PCDHGA3: variants seen among roughly 807,000 people sequenced by gnomAD.
PCDHGA3 encodes the protein protocadherin gamma-A3.
Under a neutral mutation model 58.5 loss-of-function variants are expected in PCDHGA3, and 40 were observed. The observed-to-expected ratio is 0.68, with a 90% CI of 0.53 to 0.89. The LOEUF (loss-of-function observed/expected upper bound fraction) is 0.89. PCDHGA3 is among the 40% of genes least tolerant of loss of function. The probability of loss-of-function intolerance (pLI) is 0.00; values close to 1 mark genes in which losing one functional copy is unlikely to be tolerated. For synonymous variants in PCDHGA3, 530 were observed against 525.7 expected (o/e 1.01, Z -0.11); for missense variants, 1,223 against 1,195.9 (o/e 1.02, Z -0.33).
In PCDHGA3 at chr5:141,505,380, A is replaced by C; in HGVS notation, c.2484-13A>C. On this transcript the variant is annotated splice_polypyrimidine_tract_variant and intron_variant, in intron 2 of 3. Coordinates refer to ENST00000253812, the MANE Select transcript of PCDHGA3 (RefSeq NM_018916.4). ...CCTGGGAGTCTGTGCTCACCATCCT[A>C]CTCTCTCCCCAGCTCCCAAAATGGC... 1 of 1,613,480 alleles carries C rather than the reference A, an allele frequency of 6.2e-7. No homozygotes were observed. Among genetic ancestry groups the C allele is most frequent in the Non-Finnish European group, 8.5e-7 (1 of 1,179,856 alleles).
chr5:141,404,833 C>G (rs754055876), intron 1 of PCDHGA3: 1 of 1,613,844 alleles, frequency 6.2e-7, no homozygotes, highest in Admixed American at 1.7e-5. Flanking sequence ...GTGAAGTGCG[C>G]ACAGCTCGGG....
Position 141,365,034 on chromosome 5 carries a change from C to T in PCDHGA3, c.2424+18577C>T, listed in dbSNP as rs759635927. The T allele has an allele frequency of 8.7e-6, 14 of 1,613,758 alleles. No homozygotes were observed. The African/African-American group carries it at 1.7e-4, about 20-fold the overall frequency. ...CACATCCGTGTTACGGTCCTCGACGCAAACGACAATGCGCCCCTGTTCACC... is the reference window on the plus strand; with the variant it reads ...CACATCCGTGTTACGGTCCTCGACGTAAACGACAATGCGCCCCTGTTCACC... On this transcript the variant is annotated intron_variant, in intron 1 of 3. Coordinates refer to ENST00000253812, the MANE Select transcript of PCDHGA3 (RefSeq NM_018916.4).
chr5:141,426,719 A>G (rs776136674), intron 1 of PCDHGA3: 2 of 446,424 alleles, frequency 4.5e-6, no homozygotes, highest in Non-Finnish European at 9.1e-6. Context: ...ATGAACTAGC[A>G]ATTCCAGGCA....
chr5:141,415,657 G>C, intron 1 of PCDHGA3: 1 of 1,576,238 alleles, frequency 6.3e-7, no homozygotes, highest in Non-Finnish European at 8.6e-7. Context: ...AAAAAAGATT[G>C]GTTTTTACTT....
intron 2 of PCDHGA3, among the ~76,000 whole-genome samples, chr5:141,498,994 AAGGAAGGAAGG>A (rs2099788184): frequency 2.0e-5 from 3 of 148,560 alleles, no homozygotes; most frequent in Non-Finnish European, 4.5e-5. Flanking sequence ...GGAAGGAAGG[AAGGAAGGAAGG>A]AAGGAAGGAA....
Position 141,485,835 on chromosome 5 carries a change from C to T in PCDHGA3, c.2425-8972C>T, listed in dbSNP as rs747722740. On this transcript the variant is annotated intron_variant, in intron 1 of 3. Transcript: ENST00000253812. This position sits in a 1 kb window ranked among gnomAD's most constrained non-coding sequence, Gnocchi z 5.7. ...ACTGCTGTCGATGGAGGGAACCCGC[C>T]GAGATCTGGCACCGCAGAGCTCCGG... 6.2e-7 allele frequency: 1 copy of T among 1,614,190 alleles called. No homozygotes were observed. Among genetic ancestry groups the T allele is most frequent in the Non-Finnish European group, 8.5e-7 (1 of 1,180,048 alleles).
chr5:141,500,084 C>T (rs1354544132), intron 2 of PCDHGA3, among the ~76,000 whole-genome samples: 1 of 152,030 alleles, frequency 6.6e-6, no homozygotes, highest in Non-Finnish European at 1.5e-5. Flanking sequence ...CCTCCATCTT[C>T]CATTTTTGCA....
intron 1 of PCDHGA3, chr5:141,400,515 T>A: frequency 6.2e-7 from 1 of 1,613,988 alleles, no homozygotes. Flanking sequence ...CGACTTCCCA[T>A]CCTGAGTTGG....
At chr5:141,360,102 C>T (rs530757240) in intron 1 of PCDHGA3, 116 of 1,535,872 alleles carry the variant, frequency 7.6e-5, no homozygotes, top group Middle Eastern at 5.3e-4. Context: ...AGGCTTATTC[C>T]TCCTATGGGC....
intron 1 of PCDHGA3, chr5:141,355,041 G>A: frequency 9.1e-7 from 1 of 1,094,768 alleles, no homozygotes; most frequent in Admixed American, 3.2e-5. Context: ...GATTTCTGCA[G>A]CACAAAGCAC....
chr5:141,477,737 G>T lies in PCDHGA3; in HGVS notation c.2425-17070G>T, dbSNP rs1178108717. 1.2e-6 allele frequency: 2 copies of T among 1,613,846 alleles called. No homozygotes were observed. Among genetic ancestry groups the T allele is most frequent in the South Asian group, 1.1e-5 (1 of 91,088 alleles). ...ATTTGAATTAACAGCTCATATCAGC[G>T]ATGGGGGCACCCCGGTCCTAGCCAC... On this transcript the variant is annotated intron_variant, in intron 1 of 3. Coordinates refer to ENST00000253812, the MANE Select transcript of PCDHGA3 (RefSeq NM_018916.4). This position sits in a 1 kb window ranked among gnomAD's most constrained non-coding sequence, Gnocchi z 4.9.
Position 141,511,103 on chromosome 5 carries a change from A to G in PCDHGA3, c.2729A>G (p.Lys910Arg), listed in dbSNP as rs779731716. The G allele has an allele frequency of 6.2e-7, 1 of 1,614,214 alleles. No individual in the cohort carries two copies. The highest frequency in any genetic ancestry group is 8.5e-7 in the Non-Finnish European group (1 of 1,180,026). The change falls in exon 4 of 4, where the codon AAG becomes AGG. Residue 910 changes from lysine to arginine, a missense_variant. By Grantham distance (26) the Lys-to-Arg change is conservative. Coordinates refer to ENST00000253812, the MANE Select transcript of PCDHGA3 (RefSeq NM_018916.4). ...SNATLTNAAGKRDGKAPAGGN... is the reference protein window; with the variant it reads ...SNATLTNAAGRRDGKAPAGGN... ...GCCACACTGACCAACGCAGCTGGCA[A>G]GCGGGATGGCAAGGCCCCAGCAGGT...
chr5:141,490,644 T>C lies in PCDHGA3; in HGVS notation c.2425-4163T>C. The C allele has an allele frequency of 6.2e-7, 1 of 1,614,188 alleles. No homozygotes were observed. Among genetic ancestry groups the C allele is most frequent in the Non-Finnish European group, 8.5e-7 (1 of 1,180,016 alleles). On this transcript the variant is annotated intron_variant, in intron 1 of 3. Coordinates refer to ENST00000253812, the MANE Select transcript of PCDHGA3 (RefSeq NM_018916.4). The surrounding 1 kb of genome is among the most constrained non-coding windows in gnomAD (Gnocchi z 5.4). Reference sequence around the variant, plus strand: ...CTGCTTACATCCTAGAAAACCGGCCTCCGGGCTCCCTTCTTTGCACTGTGG... The same window carrying C: ...CTGCTTACATCCTAGAAAACCGGCCCCCGGGCTCCCTTCTTTGCACTGTGG...
At chr5:141,499,689 CTTTTTTTTTTT>C in intron 2 of PCDHGA3, among the ~76,000 whole-genome samples, 1 of 119,852 alleles carries the variant, frequency 8.3e-6, no homozygotes, top group Non-Finnish European at 1.7e-5. Context: ...TAACAGATGA[CTTTTTTTTTTT>C]TTTTTTTTTT....
At chr5:141,385,499 A>G in intron 1 of PCDHGA3, 1 of 1,381,812 alleles carries the variant, frequency 7.2e-7, no homozygotes, top group Non-Finnish European at 9.4e-7. Context: ...AGGATATAGT[A>G]TTTCTTTAGT....
chr5:141,392,096 A>G (rs2092464422), intron 1 of PCDHGA3: 1 of 152,256 alleles, frequency 6.6e-6, no homozygotes, highest in Non-Finnish European at 1.5e-5. Context: ...AGAATAATTT[A>G]AAAGCAACAA....
At chr5:141,347,044 TCTC>T (rs1757851377) in intron 1 of PCDHGA3, among the ~76,000 whole-genome samples, 1 of 150,482 alleles carries the variant, frequency 6.6e-6, no homozygotes, top group Admixed American at 6.6e-5. Flanking sequence ...CCTTCCTCTC[TCTC>T]TTTCCTCCTT....
intron 1 of PCDHGA3, chr5:141,360,267 C>T (rs755623766): frequency 6.2e-7 from 1 of 1,613,986 alleles, no homozygotes; most frequent in Non-Finnish European, 8.5e-7. Context: ...TGGCCAAAAA[C>T]TCGGTCGTAG....
chr5:141,458,347 T>A (rs1351687231), intron 1 of PCDHGA3, among the ~76,000 whole-genome samples: 1 of 151,916 alleles, frequency 6.6e-6, no homozygotes, highest in Non-Finnish European at 1.5e-5. Flanking sequence ...AGTGGAGAGT[T>A]TAATAAGCAA....
Sources: allele counts gnomAD v4.1 joint callset (sites outside exome capture counted in the v4.1 genomes callset), GRCh38; gene constraint gnomAD v4.1.1; non-coding constraint Gnocchi (gnomAD v3.1); transcripts MANE v1.5; gene names NCBI Gene and HGNC (gene_info 2026-07-23, HGNC 2026-07-21).